The following WSCD2 variants were observed in gnomAD, a reference collection of about 807,000 sequenced individuals.
The protein encoded by WSCD2 is WSC domain sialate O sulfotransferase 2.
In WSCD2, 28 loss-of-function variants were observed where a neutral mutation model predicts 55.7. That is an observed-to-expected ratio of 0.50 (90% CI 0.37 to 0.69). WSCD2 has a LOEUF of 0.69. WSCD2 is among the 30% of genes least tolerant of loss of function. The probability of loss-of-function intolerance (pLI) is 0.00; values close to 1 mark genes in which losing one functional copy is unlikely to be tolerated. For synonymous variants in WSCD2, 301 were observed against 301.9 expected, an observed-to-expected ratio of 1.00 and a Z score of 0.03; for missense variants, 616 against 762.1, an observed-to-expected ratio of 0.81 and a Z score of 2.26.
At chr12:108,162,177 G>A (rs904385962) in intron 1 of WSCD2, among the ~76,000 whole-genome samples, 1 of 152,212 alleles carries the variant, frequency 6.6e-6, no homozygotes, top group Non-Finnish European at 1.5e-5. Flanking sequence ...CAGAGGGACT[G>A]TGACCTCAGA....
chr12:108,132,798 A>G (rs977319607), intron 1 of WSCD2, among the ~76,000 whole-genome samples: 2 of 152,198 alleles, frequency 1.3e-5, no homozygotes, highest in Non-Finnish European at 1.5e-5. Context: ...CAGTGCCTGC[A>G]TACATGTGCA....
chr12:108,188,781 A>T (rs1882820723), intron 1 of WSCD2, among the ~76,000 whole-genome samples: 1 of 152,180 alleles, frequency 6.6e-6, no homozygotes, highest in African/African-American at 2.4e-5. Flanking sequence ...CTGAGGGATT[A>T]GTGGTTAAGA....
At chr12:108,131,359 T>C (rs1163511184) in intron 1 of WSCD2, among the ~76,000 whole-genome samples, 2 of 152,234 alleles carry the variant, frequency 1.3e-5, no homozygotes, top group African/African-American at 4.8e-5. Context: ...TGATTGTCAC[T>C]GATGAGATTT....
intron 4 of WSCD2, among the ~76,000 whole-genome samples, chr12:108,224,302 G>A (rs974494564): frequency 6.6e-6 from 1 of 152,124 alleles, no homozygotes; most frequent in African/African-American, 2.4e-5. Context: ...AGTGAGTAAG[G>A]ACAGGACAGC....
intron 1 of WSCD2, among the ~76,000 whole-genome samples, chr12:108,168,745 C>T (rs1215304754): frequency 1.3e-5 from 2 of 152,202 alleles, no homozygotes; most frequent in African/African-American, 2.4e-5. Flanking sequence ...GAAAAACAAG[C>T]CTGTGACATA....
intron 1 of WSCD2, among the ~76,000 whole-genome samples, chr12:108,166,752 CTTTCTTTCT>C (rs1207305461): frequency 0.02 from 984 of 48,426 alleles, 20 homozygotes; most frequent in South Asian, 0.09. Flanking sequence ...TTCCTTCTTT[CTTTCTTTCT>C]TTTCTTTCTT....
At position 108,195,060 on chromosome 12, in the gene WSCD2, ATCCAG is replaced by A. The variant is rs149441327; in HGVS notation, c.-551-221_-551-217del. 8.9e-3 allele frequency among the ~76,000 whole-genome samples: 1,357 copies of A among 152,334 alleles called. 64 individuals carry two copies. In the East Asian group the frequency reaches 0.14, roughly 16 times the overall value. On this transcript the variant is annotated intron_variant, in intron 1 of 8. Transcript: ENST00000547525. ...TTGTCCCCAACTAGGGCCCACTAGG[ATCCAG>A]GTCCCTAAATTCCCAGTTTGGTGTC...
chr12:108,172,127 G>A (rs760644606), intron 1 of WSCD2, among the ~76,000 whole-genome samples: 2 of 152,176 alleles, frequency 1.3e-5, no homozygotes, highest in Non-Finnish European at 2.9e-5. Flanking sequence ...GGGACTATGG[G>A]AGAGAAAGGA....
intron 1 of WSCD2, among the ~76,000 whole-genome samples, chr12:108,174,630 T>C (rs562287492): frequency 2.8e-4 from 43 of 152,322 alleles, no homozygotes; most frequent in African/African-American, 1.0e-3. Context: ...TTTTCATTCT[T>C]TAGAGATAGG....
intron 1 of WSCD2, among the ~76,000 whole-genome samples, chr12:108,133,749 C>T (rs547057781): frequency 3.0e-4 from 45 of 152,300 alleles, no homozygotes; most frequent in Non-Finnish European, 4.1e-4. Context: ...TCCCCCTGCC[C>T]CCGCCTCCCT....
At chr12:108,213,229 C>G (rs1222607297) in intron 4 of WSCD2, among the ~76,000 whole-genome samples, 1 of 152,142 alleles carries the variant, frequency 6.6e-6, no homozygotes, top group Non-Finnish European at 1.5e-5. Flanking sequence ...TTGGTTCAAC[C>G]ATGAGTTAAA....
intron 2 of WSCD2, 155 bp downstream of exon 2, chr12:108,196,369 A>G: frequency 3.3e-6 from 4 of 1,208,580 alleles, no homozygotes; most frequent in South Asian, 1.7e-5. Context: ...TCCCCATTGC[A>G]CAGAGGAGAA....
At chr12:108,200,751 C>T (rs567935834) in intron 2 of WSCD2, among the ~76,000 whole-genome samples, 17 of 152,066 alleles carry the variant, frequency 1.1e-4, no homozygotes, top group African/African-American at 3.9e-4. Flanking sequence ...AGGAGGGACC[C>T]CATTCAGTCA....
intron 4 of WSCD2, among the ~76,000 whole-genome samples, chr12:108,215,336 G>C (rs1398931232): frequency 1.3e-5 from 2 of 152,134 alleles, no homozygotes; most frequent in African/African-American, 2.4e-5. Context: ...CAAGCCACTC[G>C]TTCTTTCTAG....
In WSCD2 at chr12:108,249,366, C is replaced by G. The variant is rs1387524353; in HGVS notation, c.*1023C>G. Reference sequence around the variant, plus strand: ...ATATCTCCCCTTGATCATAGTCCAACAGGGCCAGCTTCCCTTGGGGGCCCT... The same window carrying G: ...ATATCTCCCCTTGATCATAGTCCAAGAGGGCCAGCTTCCCTTGGGGGCCCT... On this transcript the variant is annotated 3_prime_UTR_variant, in exon 9 of 9. Transcript: ENST00000547525. 6.6e-6 allele frequency: 1 copy of G among 152,580 alleles called. No individual in the cohort carries two copies. Among genetic ancestry groups the G allele is most frequent in the East Asian group, 1.9e-4 (1 of 5,202 alleles). 9.5% of individuals were successfully genotyped at this position (152,580 alleles called of 1,614,324 possible).
At chr12:108,211,327 A>G (rs568154126) in intron 4 of WSCD2, among the ~76,000 whole-genome samples, 1 of 152,314 alleles carries the variant, frequency 6.6e-6, no homozygotes, top group East Asian at 1.9e-4. Context: ...AGTGCTTCCC[A>G]GATTTGCATG....
intron 4 of WSCD2, among the ~76,000 whole-genome samples, chr12:108,215,987 T>C (rs2137125224): frequency 6.6e-6 from 1 of 152,276 alleles, no homozygotes; most frequent in African/African-American, 2.4e-5. Context: ...AGAGCTGACA[T>C]TGTCAGAATG....
At chr12:108,193,293 T>C (rs1883419254) in intron 1 of WSCD2, among the ~76,000 whole-genome samples, 1 of 152,270 alleles carries the variant, frequency 6.6e-6, no homozygotes, top group African/African-American at 2.4e-5. Flanking sequence ...CTGTCTAGCA[T>C]AGTGATTGTT....
At chr12:108,130,475 G>GGTGTGTGT (rs559546028) in intron 1 of WSCD2, among the ~76,000 whole-genome samples, 232 of 134,500 alleles carry the variant, frequency 1.7e-3, no homozygotes, top group Middle Eastern at 7.4e-3. Flanking sequence ...TCCATTCTGG[G>GGTGTGTGT]GTGTGTGTGT....
Sources: allele counts gnomAD v4.1 joint callset (sites outside exome capture counted in the v4.1 genomes callset), GRCh38; gene constraint gnomAD v4.1.1; transcripts MANE v1.5; gene names NCBI Gene and HGNC (gene_info 2026-07-23, HGNC 2026-07-21).